FSTL4: variants seen among roughly 807,000 people sequenced by gnomAD.
The protein encoded by FSTL4 is follistatin like 4.
Under a neutral mutation model 78.2 loss-of-function variants are expected in FSTL4, and 28 were observed. The observed-to-expected ratio is 0.36, with a 90% confidence interval of 0.27 to 0.49. FSTL4 has a LOEUF of 0.49. FSTL4 is among the 20% of genes least tolerant of loss of function. FSTL4 has a pLI of 0.98. For synonymous variants in FSTL4, 422 were observed against 440.5 expected, an observed-to-expected ratio of 0.96 and a Z score of 0.53; for missense variants, 922 against 1,084.9, an observed-to-expected ratio of 0.85 and a Z score of 2.11.
intron 13 of FSTL4, among the ~76,000 whole-genome samples, chr5:133,213,012 GA>G (rs1358590565): frequency 5.4e-5 from 7 of 128,964 alleles, no homozygotes; most frequent in African/African-American, 1.3e-4. Context: ...AGAAAGTAAA[GA>G]TTTTTTTTTT....
intron 8 of FSTL4, 146 bp downstream of exon 8, chr5:133,233,271 G>T: frequency 1.1e-6 from 1 of 927,344 alleles, no homozygotes; most frequent in Non-Finnish European, 1.6e-6. Context: ...TTTCCACACG[G>T]TTCCCCTTTA....
the FSTL4 span, among the ~76,000 whole-genome samples, chr5:133,726,683 G>A: frequency 6.6e-6 from 1 of 152,150 alleles, no homozygotes; most frequent in African/African-American, 2.4e-5. Flanking sequence ...TGGGCAGGTG[G>A]CTTCAAATAC....
intron 6 of FSTL4, among the ~76,000 whole-genome samples, chr5:133,289,131 T>A (rs1237780713): frequency 6.6e-6 from 1 of 152,152 alleles, no homozygotes; most frequent in African/African-American, 2.4e-5. Flanking sequence ...AGTGGGAACC[T>A]TGGGGGCTGC....
At chr5:133,354,572 A>G (rs1252985946) in intron 4 of FSTL4, among the ~76,000 whole-genome samples, 2 of 152,204 alleles carry the variant, frequency 1.3e-5, no homozygotes, top group Non-Finnish European at 2.9e-5. Flanking sequence ...TACTTCCTCA[A>G]TGAGACCACG....
the FSTL4 span, among the ~76,000 whole-genome samples, chr5:133,747,321 C>T: frequency 6.6e-6 from 1 of 152,168 alleles, no homozygotes; most frequent in African/African-American, 2.4e-5. Context: ...TTTGGCAGGC[C>T]TGTGGAAGCT....
At chr5:133,718,518 T>A in the FSTL4 span, among the ~76,000 whole-genome samples, 55 of 152,316 alleles carry the variant, frequency 3.6e-4, no homozygotes, top group African/African-American at 1.2e-3. Context: ...AACTTTAGAG[T>A]TTAAATACAT....
chr5:133,220,643 T>TA, intron 12 of FSTL4, 105 bp downstream of exon 12: 1 of 745,962 alleles, frequency 1.3e-6, no homozygotes, highest in Non-Finnish European at 2.4e-6. Flanking sequence ...ACACCACATA[T>TA]AGCAAATGGA....
chr5:133,245,064 G>A (rs1378004446), intron 7 of FSTL4, among the ~76,000 whole-genome samples: 5 of 150,386 alleles, frequency 3.3e-5, no homozygotes, highest in Admixed American at 3.3e-4. Flanking sequence ...AGGCTGCAGT[G>A]AGCCAAGATC....
chr5:133,473,771 G>A (rs1757873187), intron 3 of FSTL4, among the ~76,000 whole-genome samples: 1 of 152,178 alleles, frequency 6.6e-6, no homozygotes, highest in Non-Finnish European at 1.5e-5. Context: ...GAAGCCTCAG[G>A]AAACTTACAA....
At chr5:133,542,031 C>G (rs1195413505) in intron 3 of FSTL4, among the ~76,000 whole-genome samples, 1 of 152,112 alleles carries the variant, frequency 6.6e-6, no homozygotes, top group Non-Finnish European at 1.5e-5. Flanking sequence ...TTCCCACTTT[C>G]CATATCTGTA....
chr5:133,819,626 C>T, the FSTL4 span, among the ~76,000 whole-genome samples: 1 of 152,240 alleles, frequency 6.6e-6, no homozygotes, highest in Non-Finnish European at 1.5e-5. Flanking sequence ...CCGAGAAATT[C>T]ACAATACATC....
At chr5:133,636,844 GT>G in the FSTL4 span, among the ~76,000 whole-genome samples, 1 of 152,168 alleles carries the variant, frequency 6.6e-6, no homozygotes, top group Admixed American at 6.5e-5. Context: ...TTATTGCTAT[GT>G]TTTGAACAAC....
chr5:133,461,616 C>T (rs1235280220), intron 3 of FSTL4, among the ~76,000 whole-genome samples: 1 of 152,182 alleles, frequency 6.6e-6, no homozygotes, highest in African/African-American at 2.4e-5. Flanking sequence ...AAGCTAGGCT[C>T]TGTTGCTGAC....
intron 3 of FSTL4, among the ~76,000 whole-genome samples, chr5:133,479,867 A>G (rs1288360412): frequency 2.0e-5 from 3 of 152,220 alleles, no homozygotes; most frequent in Admixed American, 2.0e-4. Flanking sequence ...AAGCTGTTAG[A>G]AAATGAAATA....
At chr5:133,314,410 G>A (rs1753855474) in intron 5 of FSTL4, among the ~76,000 whole-genome samples, 1 of 152,260 alleles carries the variant, frequency 6.6e-6, no homozygotes, top group Admixed American at 6.5e-5. Context: ...ACTCAGGTAT[G>A]AGTGAACAGA....
At position 133,257,878 on chromosome 5, in the gene FSTL4, G is replaced by A. The variant is rs577910821; in HGVS notation, c.728-8302C>T. Among the ~76,000 whole-genome samples the A allele has an allele frequency of 2.0e-5, 3 of 152,318 alleles. No individual in the cohort carries two copies. The South Asian group carries it at 6.2e-4, about 32-fold the overall frequency. On this transcript the variant is annotated intron_variant, in intron 6 of 15. Coordinates refer to ENST00000265342, the MANE Select transcript of FSTL4 (RefSeq NM_015082.2). ...ACCTCTGCTCAAGATATTTGCAAAA[G>A]GAGAGTATCCTAACTGCCTATTACT... is the stretch of plus-strand genomic sequence containing the variant.
At chr5:133,815,834 T>A in the FSTL4 span, among the ~76,000 whole-genome samples, 1 of 152,140 alleles carries the variant, frequency 6.6e-6, no homozygotes, top group South Asian at 2.1e-4. Context: ...GGCTTCTTGA[T>A]ACAAGTACCC....
At chr5:133,646,582 T>C in the FSTL4 span, among the ~76,000 whole-genome samples, 1 of 152,180 alleles carries the variant, frequency 6.6e-6, no homozygotes, top group Non-Finnish European at 1.5e-5. Context: ...GTTAGTAGAC[T>C]GTCACAGCTT....
chr5:133,796,619 C>T, the FSTL4 span, among the ~76,000 whole-genome samples: 1 of 152,050 alleles, frequency 6.6e-6, no homozygotes, highest in Admixed American at 6.5e-5. Flanking sequence ...CTCCCCTTGG[C>T]GTTCAGACAT....
Sources: allele counts gnomAD v4.1 joint callset (sites outside exome capture counted in the v4.1 genomes callset), GRCh38; gene constraint gnomAD v4.1.1; transcripts MANE v1.5; gene names NCBI Gene and HGNC (gene_info 2026-07-23, HGNC 2026-07-21).